Variants in SULF2 observed in about 807,000 individuals in gnomAD.
SULF2 encodes sulfatase 2.
In SULF2, 52 loss-of-function variants were observed where a neutral mutation model predicts 107.7. That is an observed-to-expected ratio of 0.48 (90% CI 0.39 to 0.61). The LOEUF is 0.61. SULF2 is among the 20% of genes least tolerant of loss of function. The probability of loss-of-function intolerance (pLI) is 0.00; values close to 1 mark genes in which losing one functional copy is unlikely to be tolerated. For missense variants in SULF2, 993 were observed against 1,177.3 expected (o/e 0.84, Z 2.29); for synonymous variants, 460 against 464.3 (o/e 0.99, Z 0.12).
rs370962720 is a variant in SULF2 at position 47,661,758 on chromosome 20, G to A, written c.2494+15C>T. The A allele has an allele frequency of 1.4e-5, 21 of 1,521,650 alleles. No individual in the cohort carries two copies. In the South Asian group the frequency reaches 1.7e-4, roughly 13 times the overall value. 94.3% of individuals were successfully genotyped at this position (1,521,650 alleles called of 1,614,324 possible). ...CCCTGCTGTCCAAGGGCCCCACGTT[G>A]GGGTGCCTACTCACCCAGGTCCATG... On this transcript the variant is annotated intron_variant, in intron 18 of 20. Transcript: ENST00000688720.
chr20:47,689,315 G>A (rs1232264072), intron 5 of SULF2, among the ~76,000 whole-genome samples: 3 of 152,194 alleles, frequency 2.0e-5, no homozygotes, highest in Non-Finnish European at 4.4e-5. Context: ...CACAGTGATG[G>A]TGCCACTTCC....
intron 1 of SULF2, among the ~76,000 whole-genome samples, chr20:47,778,925 T>C (rs1169172013): frequency 6.6e-6 from 1 of 152,172 alleles, no homozygotes; most frequent in African/African-American, 2.4e-5. Context: ...AACATCAATA[T>C]GCCGATAACT....
chr20:47,705,033 T>G (rs1339947337), intron 3 of SULF2, among the ~76,000 whole-genome samples: 1 of 152,170 alleles, frequency 6.6e-6, no homozygotes, highest in African/African-American at 2.4e-5. Flanking sequence ...TGGCTGACAC[T>G]TTCCAGGAGT....
chr20:47,663,075 A>AG lies in SULF2; in HGVS notation c.2364dup (p.Tyr789LeufsTer35). On this transcript the variant is annotated frameshift_variant, in exon 17 of 21. Transcript: ENST00000688720. LOFTEE classifies it high-confidence loss of function. ...CTAGCTCGGGTTGCCTGTACCTGGT[A>AG]GGGGTCTGTGTTGAGATCAAAGTAC... 6.2e-7 allele frequency: 1 copy of AG among 1,614,086 alleles called. No homozygotes were observed. Among genetic ancestry groups the AG allele is most frequent in the Non-Finnish European group, 8.5e-7 (1 of 1,179,976 alleles).
chr20:47,773,855 C>T (rs2090676491), intron 1 of SULF2, among the ~76,000 whole-genome samples: 2 of 152,356 alleles, frequency 1.3e-5, no homozygotes, highest in South Asian at 2.1e-4. Context: ...GCCCTGCTTA[C>T]CCCCACAGAA....
chr20:47,765,161 G>A (rs534976500), intron 1 of SULF2, among the ~76,000 whole-genome samples: 1 of 151,898 alleles, frequency 6.6e-6, no homozygotes, highest in African/African-American at 2.4e-5. Context: ...ACCATCCTGG[G>A]TAACACGGTG....
chr20:47,716,852 T>A (rs1209026242), intron 3 of SULF2, among the ~76,000 whole-genome samples: 2 of 151,836 alleles, frequency 1.3e-5, no homozygotes, highest in African/African-American at 4.8e-5. Flanking sequence ...AAAATAAATA[T>A]ATATAAATAT....
chr20:47,665,746 C>T (rs1038025456), intron 13 of SULF2, 111 bp downstream of exon 13: 2 of 861,914 alleles, frequency 2.3e-6, no homozygotes, highest in East Asian at 2.4e-5. Flanking sequence ...CCTCACTTCA[C>T]CTCTCCAGCC....
intron 3 of SULF2, among the ~76,000 whole-genome samples, chr20:47,714,246 T>C (rs192859801): frequency 6.6e-6 from 1 of 152,362 alleles, no homozygotes; most frequent in East Asian, 1.9e-4. Context: ...GCCGTTTTTA[T>C]GTATCATTTG....
At chr20:47,697,875 G>C (rs2088436408) in intron 4 of SULF2, among the ~76,000 whole-genome samples, 1 of 152,230 alleles carries the variant, frequency 6.6e-6, no homozygotes, top group Non-Finnish European at 1.5e-5. Context: ...TTAAAAAGGA[G>C]GGAATGTATT....
Position 47,702,425 on chromosome 20 carries a change from G to A in SULF2, c.567+94C>T, listed in dbSNP as rs867982432. The stretch of plus-strand genomic sequence containing the variant: ...CAAGGTCACACTTTTAAGTGCCTGA[G>A]TCACAATCTGAACCCAAGTAGTCTG... On this transcript the variant is annotated intron_variant, in intron 4 of 20. Transcript: ENST00000688720. The A allele has an allele frequency of 6.2e-5, 89 of 1,443,560 alleles. No homozygotes were observed. The Middle Eastern group carries it at 1.0e-3, about 17-fold the overall frequency. The allele number at this position is 1,443,560 out of a possible 1,614,324, so 89.4% of individuals were successfully genotyped here. A position where few individuals can be genotyped will look rare whatever the true frequency, so the allele number is the denominator to read the frequency against.
intron 2 of SULF2, among the ~76,000 whole-genome samples, chr20:47,742,822 A>G (rs1460418742): frequency 1.3e-5 from 2 of 151,982 alleles, no homozygotes; most frequent in African/African-American, 4.8e-5. Context: ...TGCCAGTGTC[A>G]TAGGAAATGC....
intron 18 of SULF2, among the ~76,000 whole-genome samples, chr20:47,660,157 G>A (rs2087019865): frequency 1.3e-5 from 2 of 152,214 alleles, no homozygotes; most frequent in African/African-American, 4.8e-5. Flanking sequence ...TCCGGGGTCA[G>A]CCCACCTTGT....
intron 2 of SULF2, among the ~76,000 whole-genome samples, chr20:47,748,179 C>T (rs1012937142): frequency 2.6e-5 from 4 of 152,194 alleles, no homozygotes; most frequent in Admixed American, 6.5e-5. Context: ...TGCTCTCTGC[C>T]GCCCTCTTCC....
intron 5 of SULF2, chr20:47,685,979 A>T (rs2087990256): frequency 6.6e-6 from 1 of 152,244 alleles, no homozygotes; most frequent in Non-Finnish European, 1.5e-5. Flanking sequence ...TTGGCCAGTT[A>T]GTCCCCTCCC....
At chr20:47,688,926 T>C (rs1337021566) in intron 5 of SULF2, among the ~76,000 whole-genome samples, 1 of 152,228 alleles carries the variant, frequency 6.6e-6, no homozygotes, top group Non-Finnish European at 1.5e-5. Flanking sequence ...CACCCCATCC[T>C]TGCAGCCCCA....
In SULF2 at chr20:47,742,927, A is replaced by ATTTTTTTTTTT. The variant is rs397837137; in HGVS notation, c.176-5996_176-5986dup. On this transcript the variant is annotated intron_variant, in intron 2 of 20. Coordinates refer to ENST00000688720, the MANE Select transcript of SULF2 (RefSeq NM_001387048.1). ...AGGGAGTTTCAGGATTCAAAACATG[A>ATTTTTTTTTTT]TTTTTTTTTTTTTTTTTTTTTTTTT... Among the ~76,000 whole-genome samples the ATTTTTTTTTTT allele has an allele frequency of 2.0e-5, 2 of 99,452 alleles. 1 individual carries two copies. Among genetic ancestry groups the ATTTTTTTTTTT allele is most frequent in the African/African-American group, 7.6e-5 (2 of 26,164 alleles). 65.2% of individuals were successfully genotyped at this position (99,452 alleles called of 152,430 possible). A position where few individuals can be genotyped will look rare whatever the true frequency, so the allele number is the denominator to read the frequency against.
intron 4 of SULF2, among the ~76,000 whole-genome samples, chr20:47,701,245 C>T (rs142940334): frequency 6.6e-6 from 1 of 152,326 alleles, no homozygotes; most frequent in East Asian, 1.9e-4. Flanking sequence ...TGTCAGAAGT[C>T]AGAGTAGACG....
rs575139977 is a variant in SULF2, at chr20:47,672,321, C to T, written c.1453G>A (p.Gly485Ser). The T allele has an allele frequency of 6.4e-5, 103 of 1,613,312 alleles. No homozygotes were observed. In the East Asian group the frequency reaches 8.9e-4, roughly 14 times the overall value. ...HKCKGPMRLG[G>S]SRALSNLVPK... ...ACGAGGTTGGAGAGGGCTCTGCTGC[C>T]GCCCAGCCGCATGGGGCCCTTGCAC... Residue 485 changes from glycine (G) to serine (S), a missense_variant, in exon 11 of 21, where the codon GGC (glycine) becomes AGC (serine). By Grantham distance (56) the Gly-to-Ser change is moderately conservative. Around this residue, in one of 3 missense-constraint regions of SULF2, gnomAD observed 497 missense variants for 544.1 expected, o/e 0.91. Coordinates refer to ENST00000688720, the MANE Select transcript of SULF2 (RefSeq NM_001387048.1).
Sources: gnomAD v4.1 joint callset for allele counts (sites outside exome capture counted in the v4.1 genomes callset) on GRCh38, gnomAD v4.1.1 for gene constraint, gnomAD v4.1.1 regional missense constraint, MANE v1.5 for transcripts, NCBI Gene and HGNC (gene_info 2026-07-23, HGNC 2026-07-21) for gene names.